Variants in SPECC1 observed in about 807,000 individuals in gnomAD.
SPECC1 encodes the protein sperm antigen with calponin homology and coiled-coil domains 1, also known as cytospin-B.
In SPECC1, 62 loss-of-function variants were observed where a neutral mutation model predicts 104.1. The observed-to-expected ratio is 0.60, with a 90% confidence interval of 0.49 to 0.74. The LOEUF is 0.74. Among genes scored for constraint, SPECC1 ranks in the 30% least tolerant of loss-of-function variants. The pLI is 0.00. For synonymous variants in SPECC1, 513 were observed against 501.6 expected (o/e 1.02, Z -0.30); for missense variants, 1,306 against 1,310.5 (o/e 1.00, Z 0.05).
In SPECC1 at chr17:20,315,633, C is replaced by G. The variant is rs1216458327; in HGVS notation, c.*1568C>G. On this transcript the variant is annotated 3_prime_UTR_variant, in exon 15 of 15. Coordinates refer to ENST00000395527, the MANE Select transcript of SPECC1 (RefSeq NM_001243439.2). ...TCAAAGTACATCTCTGATTGCTGAT[C>G]TGAGCCACTGGTTCAGAGCCAGGTT... 4.3e-6 allele frequency: 1 copy of G among 232,380 alleles called. No homozygotes were observed. Among genetic ancestry groups the G allele is most frequent in the Non-Finnish European group, 8.5e-6 (1 of 117,712 alleles). 14.4% of individuals were successfully genotyped at this position (232,380 alleles called of 1,614,324 possible). A position where few individuals can be genotyped will look rare whatever the true frequency, so the allele number is the denominator to read the frequency against.
chr17:20,179,628 G>A (rs1166493507), intron 3 of SPECC1, among the ~76,000 whole-genome samples: 1 of 152,244 alleles, frequency 6.6e-6, no homozygotes, highest in Non-Finnish European at 1.5e-5. Context: ...CTCTTGCCCA[G>A]ATATAATTCA....
At chr17:20,127,159 C>T (rs1464178550) in intron 3 of SPECC1, among the ~76,000 whole-genome samples, 1 of 152,176 alleles carries the variant, frequency 6.6e-6, no homozygotes, top group African/African-American at 2.4e-5. Context: ...TTCATGACTT[C>T]TTGCTCAACT....
At chr17:20,122,360 G>C (rs2049076583) in intron 3 of SPECC1, among the ~76,000 whole-genome samples, 1 of 152,186 alleles carries the variant, frequency 6.6e-6, no homozygotes, top group African/African-American at 2.4e-5. Flanking sequence ...TTGGAGGCTA[G>C]GGCTGTGGTC....
At chr17:20,145,149 G>A (rs2031312011) in intron 3 of SPECC1, among the ~76,000 whole-genome samples, 1 of 152,184 alleles carries the variant, frequency 6.6e-6, no homozygotes, top group Non-Finnish European at 1.5e-5. Context: ...GAGACAAAGT[G>A]GTTTAGTGTA....
chr17:20,135,600 C>T (rs1201189793), intron 3 of SPECC1, among the ~76,000 whole-genome samples: 1 of 152,112 alleles, frequency 6.6e-6, no homozygotes, highest in African/African-American at 2.4e-5. Context: ...GGACCACAGG[C>T]ATGCACCACC....
At chr17:20,186,764 A>G (rs2035310280) in intron 3 of SPECC1, among the ~76,000 whole-genome samples, 1 of 151,982 alleles carries the variant, frequency 6.6e-6, no homozygotes, top group Admixed American at 6.6e-5. Context: ...TGGGTGTCTC[A>G]CTATGTTGCC....
intron 3 of SPECC1, among the ~76,000 whole-genome samples, chr17:20,157,903 CCT>C (rs951532743): frequency 6.6e-6 from 1 of 152,186 alleles, no homozygotes; most frequent in Non-Finnish European, 1.5e-5. Flanking sequence ...GGCTCCAGCA[CCT>C]CTCCTCCGTC....
intron 3 of SPECC1, among the ~76,000 whole-genome samples, chr17:20,146,981 G>C (rs909306225): frequency 1.3e-5 from 2 of 152,000 alleles, no homozygotes; most frequent in Non-Finnish European, 2.9e-5. Flanking sequence ...CACCAGCAAT[G>C]AATGAGAGTT....
chr17:20,255,496 C>G (rs1261782067), intron 10 of SPECC1, among the ~76,000 whole-genome samples: 1 of 152,184 alleles, frequency 6.6e-6, no homozygotes, highest in Non-Finnish European at 1.5e-5. Context: ...ACTAGGTAAG[C>G]CTTTGGTAGA....
chr17:20,132,516 A>AGTTTGTTT (rs201813080), intron 3 of SPECC1, among the ~76,000 whole-genome samples: 4 of 150,376 alleles, frequency 2.7e-5, no homozygotes, highest in African/African-American at 9.8e-5. Flanking sequence ...TCTACTTAGA[A>AGTTTGTTT]GTTTGTTTGT....
intron 3 of SPECC1, among the ~76,000 whole-genome samples, chr17:20,202,414 A>C (rs1337914237): frequency 1.3e-5 from 2 of 152,120 alleles, no homozygotes; most frequent in African/African-American, 2.4e-5. Context: ...ACAAAGTGCC[A>C]CTAGTGATGC....
intron 1 of SPECC1, among the ~76,000 whole-genome samples, chr17:20,013,445 T>C (rs761894011): frequency 5.3e-5 from 8 of 152,204 alleles, no homozygotes; most frequent in Non-Finnish European, 1.2e-4. Flanking sequence ...TTTAGCCCAT[T>C]TATATTTATT....
At position 20,158,407 on chromosome 17, in the gene SPECC1, C is replaced by T. The variant is rs117602043; in HGVS notation, c.284-45926C>T. The stretch of plus-strand genomic sequence containing the variant: ...GAAGCAGAATTAGAGGAGTTCGAGA[C>T]CAGCCTGGGCAAGGAAAGCTTTTGA... On this transcript the variant is annotated intron_variant, in intron 3 of 14. Coordinates refer to ENST00000395527, the MANE Select transcript of SPECC1 (RefSeq NM_001243439.2). Among the ~76,000 whole-genome samples, 94 of 152,266 alleles carry T rather than the reference C, an allele frequency of 6.2e-4. No individual in the cohort carries two copies. The East Asian group carries it at 0.017, about 27-fold the overall frequency.
intron 7 of SPECC1, among the ~76,000 whole-genome samples, chr17:20,235,896 A>G (rs909034927): frequency 6.6e-6 from 1 of 152,226 alleles, no homozygotes; most frequent in African/African-American, 2.4e-5. Context: ...GCAGTGTGGC[A>G]GCGCAGCACG....
chr17:20,237,062 A>C (rs1247822445), intron 7 of SPECC1: 1 of 1,456,708 alleles, frequency 6.9e-7, no homozygotes, highest in East Asian at 2.5e-5. Context: ...CTTTTTGTCC[A>C]CATTTTGGGA....
At chr17:20,046,172 C>G (rs1439366493) in intron 1 of SPECC1, among the ~76,000 whole-genome samples, 1 of 152,112 alleles carries the variant, frequency 6.6e-6, no homozygotes, top group Non-Finnish European at 1.5e-5. Context: ...GTCTTGAACT[C>G]TGGTCTCAAG....
intron 12 of SPECC1, among the ~76,000 whole-genome samples, chr17:20,267,567 T>G (rs2040258489): frequency 6.6e-6 from 1 of 151,962 alleles, no homozygotes; most frequent in Non-Finnish European, 1.5e-5. Context: ...GTCTCTGGCT[T>G]GTGGCAGAAG....
intron 3 of SPECC1, among the ~76,000 whole-genome samples, chr17:20,170,731 T>G (rs1251912807): frequency 6.6e-6 from 1 of 150,802 alleles, no homozygotes; most frequent in Non-Finnish European, 1.5e-5. Flanking sequence ...CTTTTTTCTT[T>G]TATGCTCCCC....
intron 12 of SPECC1, among the ~76,000 whole-genome samples, chr17:20,277,171 G>C (rs1347660422): frequency 6.6e-6 from 1 of 152,204 alleles, no homozygotes; most frequent in African/African-American, 2.4e-5. Context: ...CTGATGTCTA[G>C]TCACCAGCAT....
Sources: gnomAD v4.1 joint callset for allele counts (sites outside exome capture counted in the v4.1 genomes callset) on GRCh38, gnomAD v4.1.1 for gene constraint, MANE v1.5 for transcripts, NCBI Gene and HGNC (gene_info 2026-07-23, HGNC 2026-07-21) for gene names.